GRIP1: variants seen among roughly 807,000 people sequenced by gnomAD.
GRIP1 encodes the protein glutamate receptor interacting protein 1, also known as glutamate receptor-interacting protein 1.
Under a neutral mutation model 129.9 loss-of-function variants are expected in GRIP1, and 45 were observed. That is an observed-to-expected ratio of 0.35 (90% CI 0.27 to 0.44). The LOEUF is 0.44. Among genes scored for constraint, GRIP1 ranks in the 20% least tolerant of loss-of-function variants. GRIP1 has a pLI of 1.00. For missense variants in GRIP1, 1,196 were observed against 1,396.8 expected (o/e 0.86, Z 2.29); for synonymous variants, 530 against 520.8 (o/e 1.02, Z -0.24).
chr12:66,411,717 A>G (rs2057409782), intron 15 of GRIP1, among the ~76,000 whole-genome samples: 1 of 152,232 alleles, frequency 6.6e-6, no homozygotes, highest in South Asian at 2.1e-4. Flanking sequence ...CCCAATTCAA[A>G]TAAGCTAAGA....
At chr12:66,751,780 T>C (rs2037133621) in intron 1 of GRIP1, among the ~76,000 whole-genome samples, 1 of 152,238 alleles carries the variant, frequency 6.6e-6, no homozygotes, top group Admixed American at 6.5e-5. Flanking sequence ...TTGTGTCAAA[T>C]TTATCTCGCT....
chr12:66,909,909 A>G (rs2041000783), intron 1 of GRIP1, among the ~76,000 whole-genome samples: 1 of 152,176 alleles, frequency 6.6e-6, no homozygotes, highest in South Asian at 2.1e-4. Flanking sequence ...AAGGCCTTTC[A>G]TGCTATTTTG....
intron 1 of GRIP1, among the ~76,000 whole-genome samples, chr12:66,645,166 G>A (rs1182599614): frequency 6.6e-6 from 1 of 152,140 alleles, no homozygotes; most frequent in Non-Finnish European, 1.5e-5. Flanking sequence ...TGGGCTAATT[G>A]AATTTTTCTG....
intron 15 of GRIP1, among the ~76,000 whole-genome samples, chr12:66,411,121 A>ACAGTG (rs998773483): frequency 1.3e-5 from 2 of 152,058 alleles, no homozygotes; most frequent in African/African-American, 4.8e-5. Context: ...TCCCCAAATC[A>ACAGTG]CAGTGCACCT....
intron 1 of GRIP1, among the ~76,000 whole-genome samples, chr12:66,999,657 T>C (rs1235489000): frequency 6.6e-6 from 1 of 152,072 alleles, no homozygotes; most frequent in African/African-American, 2.4e-5. Flanking sequence ...AAAAGTGTAA[T>C]ACAGAACTAT....
At chr12:66,658,687 C>T (rs1056872098) in intron 1 of GRIP1, among the ~76,000 whole-genome samples, 1 of 152,000 alleles carries the variant, frequency 6.6e-6, no homozygotes, top group African/African-American at 2.4e-5. Context: ...GGCAGGAGGA[C>T]TGTTTCAGCC....
chr12:66,769,541 A>G (rs1348017375), intron 1 of GRIP1, among the ~76,000 whole-genome samples: 1 of 152,162 alleles, frequency 6.6e-6, no homozygotes, highest in Admixed American at 6.5e-5. Context: ...TCACTGCATT[A>G]TTCTGTGGGC....
intron 1 of GRIP1, among the ~76,000 whole-genome samples, chr12:67,016,312 AC>A (rs1306175025): frequency 4.6e-5 from 7 of 152,202 alleles, no homozygotes; most frequent in African/African-American, 1.7e-4. Flanking sequence ...AGATAGACAG[AC>A]AACCAAATAC....
intron 1 of GRIP1, among the ~76,000 whole-genome samples, chr12:66,609,803 C>G (rs1265598725): frequency 6.6e-6 from 1 of 152,144 alleles, no homozygotes; most frequent in Admixed American, 6.5e-5. Context: ...CTGACATTTA[C>G]AAACATCTAG....
chr12:66,884,764 C>CA (rs202039481), intron 1 of GRIP1, among the ~76,000 whole-genome samples: 3,463 of 152,048 alleles, frequency 0.023, 50 homozygotes, highest in Non-Finnish European at 0.037. Context: ...CAGAAAAGAA[C>CA]AAAAAATAAT....
chr12:66,939,429 C>T (rs1355809427), intron 1 of GRIP1, among the ~76,000 whole-genome samples: 1 of 152,104 alleles, frequency 6.6e-6, no homozygotes. Context: ...TGAATATGTT[C>T]CTGCCCTCAA....
At chr12:66,522,636 T>A (rs1212623884) in intron 5 of GRIP1, among the ~76,000 whole-genome samples, 5 of 152,202 alleles carry the variant, frequency 3.3e-5, no homozygotes, top group Admixed American at 6.5e-5. Context: ...GCCTCTCCTC[T>A]TCCAAAGGAA....
At chr12:66,492,999 C>T (rs1592425538) in intron 7 of GRIP1, among the ~76,000 whole-genome samples, 1 of 78,790 alleles carries the variant, frequency 1.3e-5, no homozygotes, top group East Asian at 4.2e-4. Flanking sequence ...GACAGAGACT[C>T]TGTCTCAAAA....
In GRIP1 at chr12:66,773,236, C is replaced by T. The variant is rs536676600; in HGVS notation, c.-420+30817G>A. Among the ~76,000 whole-genome samples, 149 of 152,206 alleles carry T rather than the reference C, an allele frequency of 9.8e-4. 1 individual carries two copies. The highest frequency in any genetic ancestry group is 3.4e-3 in the African/African-American group (142 of 41,550). On this transcript the variant is annotated intron_variant, in intron 1 of 4. Transcript: ENST00000538373. ...AGAACAAAGAAAAGAACCAAATCATCGATGGGCATTTGGGTTGGTTCCAAG... is the reference window on the plus strand; with the variant it reads ...AGAACAAAGAAAAGAACCAAATCATTGATGGGCATTTGGGTTGGTTCCAAG...
rs375076399 is a variant in GRIP1 at position 66,700,613 on chromosome 12, C to G, written c.-419-70277G>C. Among the ~76,000 whole-genome samples, 85 of 152,072 alleles carry G rather than the reference C, an allele frequency of 5.6e-4. 2 individuals are homozygous for G. Among genetic ancestry groups the G allele is most frequent in the African/African-American group, 2.0e-3 (83 of 41,484 alleles). ...CAGGTGCATGCCACTGTGCCTAACT[C>G]AGTGAAAGCTTTTACCCAGAGACTG... On this transcript the variant is annotated intron_variant, in intron 1 of 4. Transcript: ENST00000538373.
chr12:66,989,347 T>C (rs577084632), intron 1 of GRIP1, among the ~76,000 whole-genome samples: 3 of 152,356 alleles, frequency 2.0e-5, no homozygotes, highest in South Asian at 2.1e-4. Flanking sequence ...ACTGAATGAA[T>C]GTGGTGAGGT....
chr12:66,879,100 T>C (rs1180855746), intron 1 of GRIP1, among the ~76,000 whole-genome samples: 1 of 152,006 alleles, frequency 6.6e-6, no homozygotes, highest in African/African-American at 2.4e-5. Context: ...TGTATATGAA[T>C]GATAAATACC....
Position 66,752,872 on chromosome 12 carries a change from C to T in GRIP1, c.-420+51181G>A, listed in dbSNP as rs1189991462. ...GCTTGAGTTTTTAAAAATTACATTA[C>T]CAAAATATAATGCCTCAAATAATAG... On this transcript the variant is annotated intron_variant, in intron 1 of 4. Coordinates refer to the GRIP1 transcript ENST00000538373. Among the ~76,000 whole-genome samples, 4 of 151,996 alleles carry T rather than the reference C, an allele frequency of 2.6e-5. No individual in the cohort carries two copies. The East Asian group carries it at 5.8e-4, about 22-fold the overall frequency.
intron 9 of GRIP1, among the ~76,000 whole-genome samples, chr12:66,459,483 G>A (rs186484329): frequency 5.7e-4 from 87 of 152,240 alleles, no homozygotes; most frequent in African/African-American, 2.1e-3. Flanking sequence ...CTTTTGACCC[G>A]CTTCTTCATT....
Sources: gnomAD v4.1 joint callset for allele counts (sites outside exome capture counted in the v4.1 genomes callset) on GRCh38, gnomAD v4.1.1 for gene constraint, MANE v1.5 for transcripts, NCBI Gene and HGNC (gene_info 2026-07-23, HGNC 2026-07-21) for gene names.